PTBP2: variants seen among roughly 807,000 people sequenced by gnomAD.
PTBP2 encodes the protein polypyrimidine tract-binding protein 2.
Under a neutral mutation model 61.4 loss-of-function variants are expected in PTBP2, and 13 were observed. The observed-to-expected ratio is 0.21, with a 90% CI of 0.14 to 0.34. The LOEUF is 0.34. Ranked by LOEUF, PTBP2 falls within the 10% of genes least tolerant of loss-of-function variation. The pLI is 1.00. For synonymous variants in PTBP2, 215 were observed against 218.5 expected, an observed-to-expected ratio of 0.98 and a Z score of 0.14; for missense variants, 405 against 642.6, an observed-to-expected ratio of 0.63 and a Z score of 4.00.
At chr1:96,813,219 T>G (rs189827209) in intron 13 of PTBP2, 57 bp from the exon 14 acceptor site, 1 of 1,556,906 alleles carries the variant, frequency 6.4e-7, no homozygotes, top group African/African-American at 1.4e-5. Flanking sequence ...TTCAAGTATT[T>G]AATAAGCCCT....
At position 96,791,837 on chromosome 1, in the gene PTBP2, T is replaced by TTTTTTTTGTTTTTTTTTTG. The variant is rs1557759265; in HGVS notation, c.904+6590_904+6591insGTTTTTTTTTTGTTTTTTT. Among the ~76,000 whole-genome samples the TTTTTTTTGTTTTTTTTTTG allele has an allele frequency of 3.8e-4, 52 of 136,898 alleles. 4 individuals are homozygous for TTTTTTTTGTTTTTTTTTTG. Among genetic ancestry groups the TTTTTTTTGTTTTTTTTTTG allele is most frequent in the South Asian group, 1.2e-3 (5 of 4,010 alleles). 89.8% of individuals were successfully genotyped at this position (136,898 alleles called of 152,430 possible). ...TGCTTGGAGTTGTGCTTTTTTTTTT[T>TTTTTTTTGTTTTTTTTTTG]TTTTTTTTTTTTGAGATAGAGTCTG... On this transcript the variant is annotated intron_variant, in intron 8 of 13. Transcript: ENST00000674951.
chr1:96,764,378 C>T (rs1031583415), intron 3 of PTBP2, among the ~76,000 whole-genome samples: 3 of 152,170 alleles, frequency 2.0e-5, no homozygotes, highest in African/African-American at 7.2e-5. Flanking sequence ...AAATTTGTAA[C>T]TATTTAGCAG....
At chr1:96,739,155 A>G (rs111790289) in intron 2 of PTBP2, among the ~76,000 whole-genome samples, 8 of 152,252 alleles carry the variant, frequency 5.3e-5, no homozygotes, top group African/African-American at 1.7e-4. Flanking sequence ...AATTCTTTAT[A>G]TATTTTCTCT....
At chr1:96,723,205 A>G (rs956795388) in intron 1 of PTBP2, among the ~76,000 whole-genome samples, 4 of 152,188 alleles carry the variant, frequency 2.6e-5, no homozygotes, top group African/African-American at 7.2e-5. Flanking sequence ...ACTAGAATTC[A>G]TGTTTCCTGA....
chr1:96,762,308 G>A (rs1481239867), intron 3 of PTBP2, among the ~76,000 whole-genome samples: 7 of 151,134 alleles, frequency 4.6e-5, no homozygotes, highest in Admixed American at 2.0e-4. Context: ...AGGGGCGGCC[G>A]GGCAGAGGCG....
intron 8 of PTBP2, among the ~76,000 whole-genome samples, chr1:96,786,139 A>G (rs1659177976): frequency 6.6e-6 from 1 of 152,168 alleles, no homozygotes; most frequent in South Asian, 2.1e-4. Context: ...ATTTCAAAAG[A>G]AAAAATAGTA....
At chr1:96,761,409 T>G (rs1655851516) in intron 3 of PTBP2, among the ~76,000 whole-genome samples, 1 of 148,618 alleles carries the variant, frequency 6.7e-6, no homozygotes. Context: ...TTTAACAGAT[T>G]TACATTTTAG....
At chr1:96,798,913 TTTAA>T (rs532016550) in intron 8 of PTBP2, among the ~76,000 whole-genome samples, 91 of 152,320 alleles carry the variant, frequency 6.0e-4, no homozygotes, top group African/African-American at 2.0e-3. Flanking sequence ...TTCTAAATGA[TTTAA>T]TTAACAAAAC....
chr1:96,757,636 A>G (rs1411887914), intron 3 of PTBP2, among the ~76,000 whole-genome samples: 1 of 152,212 alleles, frequency 6.6e-6, no homozygotes, highest in Non-Finnish European at 1.5e-5. Flanking sequence ...ACTGTAAAAT[A>G]ACTTCAAGTG....
chr1:96,823,200 A>T (rs1169843818), exon 14 of PTBP2: 1 of 152,306 alleles, frequency 6.6e-6, no homozygotes, highest in African/African-American at 2.4e-5. Context: ...ACCTCAAGTG[A>T]TCTACCTGCC....
rs1368024023 is a variant in PTBP2, at chr1:96,813,088, A to G, written c.1448A>G (p.Lys483Arg). The G allele has an allele frequency of 1.2e-6, 2 of 1,611,936 alleles. No homozygotes were observed. Among genetic ancestry groups the G allele is most frequent in the African/African-American group, 2.7e-5 (2 of 74,882 alleles). ...TTCGCTAACACTGGGGGCACTGTGAAAGCATTTAAGTTTTTTCAGTAAGCA... is the reference window on the plus strand; with the variant it reads ...TTCGCTAACACTGGGGGCACTGTGAGAGCATTTAAGTTTTTTCAGTAAGCA... Reference protein sequence around the residue: ...TLFANTGGTVKAFKFFQDHKM... With the variant: ...TLFANTGGTVRAFKFFQDHKM... Residue 483 changes from lysine (K) to arginine (R), a missense_variant, in exon 13 of 14, where the codon AAA (lysine) becomes AGA (arginine). Lys to Arg is a conservative substitution (Grantham distance 26). Around this residue, in one of 4 missense-constraint regions of PTBP2, gnomAD observed 24 missense variants for 27.7 expected, o/e 0.87. Coordinates refer to ENST00000674951, the MANE Select transcript of PTBP2 (RefSeq NM_021190.4).
At chr1:96,804,260 T>C (rs998001052) in intron 8 of PTBP2, among the ~76,000 whole-genome samples, 1 of 152,180 alleles carries the variant, frequency 6.6e-6, no homozygotes, top group Admixed American at 6.5e-5. Flanking sequence ...TTTGCTAAGA[T>C]TTTCTTTATT....
chr1:96,796,539 G>A (rs1419094361), intron 8 of PTBP2, among the ~76,000 whole-genome samples: 1 of 151,984 alleles, frequency 6.6e-6, no homozygotes, highest in Non-Finnish European at 1.5e-5. Context: ...CTAGATTTGG[G>A]GAAACTCTCA....
chr1:96,724,242 G>A (rs1029603521), intron 2 of PTBP2, among the ~76,000 whole-genome samples: 2 of 142,328 alleles, frequency 1.4e-5, no homozygotes, highest in Non-Finnish European at 3.2e-5. Flanking sequence ...ATGATGTATT[G>A]TAATTTTTTT....
intron 2 of PTBP2, among the ~76,000 whole-genome samples, chr1:96,731,087 C>T (rs548924500): frequency 5.3e-5 from 8 of 152,062 alleles, no homozygotes. Context: ...GGAGGATACT[C>T]GTGTGGCTGC....
At chr1:96,729,375 TTTTC>T (rs1285050972) in intron 2 of PTBP2, among the ~76,000 whole-genome samples, 1 of 152,182 alleles carries the variant, frequency 6.6e-6, no homozygotes, top group Non-Finnish European at 1.5e-5. Flanking sequence ...TTTTAAATAG[TTTTC>T]TTTCTTTTCT....
intron 8 of PTBP2, among the ~76,000 whole-genome samples, chr1:96,787,569 C>G (rs568462124): frequency 6.6e-6 from 1 of 152,114 alleles, no homozygotes; most frequent in South Asian, 2.1e-4. Flanking sequence ...GGCTTTTTAA[C>G]TATACTCAAA....
At chr1:96,817,041 A>G (rs1662513726), downstream of PTBP2, 1 of 152,204 alleles carries the variant, frequency 6.6e-6, no homozygotes, top group Non-Finnish European at 1.5e-5. Context: ...ATCCCAAGCC[A>G]GATGAAAAGA....
chr1:96,816,959 GAAAT>G (rs1163033675), downstream of PTBP2: 1 of 152,058 alleles, frequency 6.6e-6, no homozygotes, highest in Non-Finnish European at 1.5e-5. Flanking sequence ...TTGCTACAAA[GAAAT>G]ACTAATGTTT....
Sources: allele counts gnomAD v4.1 joint callset (sites outside exome capture counted in the v4.1 genomes callset), GRCh38; gene constraint gnomAD v4.1.1; regional missense constraint gnomAD v4.1.1; transcripts MANE v1.5; gene names NCBI Gene and HGNC (gene_info 2026-07-23, HGNC 2026-07-21).